CARS1: variants seen among roughly 807,000 people sequenced by gnomAD.
CARS1 encodes cysteine--tRNA ligase, cytoplasmic.
Under a neutral mutation model 106.2 loss-of-function variants are expected in CARS1, and 48 were observed. The observed-to-expected ratio is 0.45, with a 90% CI of 0.36 to 0.57. CARS1 has a LOEUF of 0.57. Ranked by LOEUF, CARS1 falls within the 20% of genes least tolerant of loss-of-function variation. CARS1 has a pLI of 0.00. For synonymous variants in CARS1, 409 were observed against 403.4 expected (o/e 1.01, Z -0.17); for missense variants, 968 against 1,057.2 (o/e 0.92, Z 1.17).
intron 7 of CARS1, among the ~76,000 whole-genome samples, chr11:3,035,414 A>C (rs1398114202): frequency 2.0e-5 from 3 of 152,228 alleles, no homozygotes; most frequent in Non-Finnish European, 2.9e-5. Flanking sequence ...CCAACAATAC[A>C]AATGCAGGTG....
chr11:3,002,253 C>T, intron 21 of CARS1, 200 bp from the exon 22 acceptor site: 1 of 651,214 alleles, frequency 1.5e-6, no homozygotes, highest in Non-Finnish European at 2.7e-6. Context: ...GTTATTTCTA[C>T]AGGAATAGTG....
At position 3,039,191 on chromosome 11, in the gene CARS1, C is replaced by T. The variant is rs149456532; in HGVS notation, c.651+3G>A. 713 of 1,598,008 alleles carry T rather than the reference C, an allele frequency of 4.5e-4. 5 individuals carry two copies. The African/African-American group carries it at 8.1e-3, about 18-fold the overall frequency. On this transcript the variant is annotated splice_donor_region_variant and intron_variant, in intron 6 of 22. Transcript: ENST00000380525. The surrounding 1 kb of genome is among the most constrained non-coding windows in gnomAD (Gnocchi z 5.6). The stretch of plus-strand genomic sequence containing the variant: ...TTTCTAGAGCAGACAGCAAGAGGCC[C>T]ACCTTCAGGGCGGCCTGAACATCCT...
chr11:3,023,421 G>A (rs977615019), intron 10 of CARS1, among the ~76,000 whole-genome samples: 2 of 152,110 alleles, frequency 1.3e-5, no homozygotes, highest in Non-Finnish European at 2.9e-5. Flanking sequence ...CACACACACA[G>A]GATCTTGCTG....
intron 17 of CARS1, among the ~76,000 whole-genome samples, chr11:3,013,281 T>C (rs1850678641): frequency 1.3e-5 from 2 of 152,130 alleles, no homozygotes; most frequent in East Asian, 1.9e-4. Flanking sequence ...GCCTCCCGCG[T>C]AGCTGGGATT....
At position 3,008,170 on chromosome 11, in the gene CARS1, A is replaced by T. The variant is rs1191735947; in HGVS notation, c.2069-1211T>A. 1 of 151,962 alleles carries T rather than the reference A, an allele frequency of 6.6e-6. No homozygotes were observed. Among genetic ancestry groups the T allele is most frequent in the Non-Finnish European group, 1.5e-5 (1 of 68,042 alleles). The allele number at this position is 151,962 out of a possible 1,614,324, so 9.4% of individuals were successfully genotyped here. A position where few individuals can be genotyped will look rare whatever the true frequency, so the allele number is the denominator to read the frequency against. Reference sequence around the variant, plus strand: ...CCCCCAGCCTGCTGGGACCCCCACCATCCCACCCCATCCTCCTGCCTGCCC... The same window carrying T: ...CCCCCAGCCTGCTGGGACCCCCACCTTCCCACCCCATCCTCCTGCCTGCCC... On this transcript the variant is annotated intron_variant, in intron 18 of 22. Coordinates refer to ENST00000380525, the MANE Select transcript of CARS1 (RefSeq NM_001014437.3). This position sits in a 1 kb window ranked among gnomAD's most constrained non-coding sequence, Gnocchi z 5.1.
Position 3,038,223 on chromosome 11 carries a change from A to C in CARS1, c.652-24T>G. 1 of 1,608,402 alleles carries C rather than the reference A, an allele frequency of 6.2e-7. No homozygotes were observed. Among genetic ancestry groups the C allele is most frequent in the East Asian group, 2.2e-5 (1 of 44,800 alleles). On this transcript the variant is annotated intron_variant, in intron 6 of 22. Transcript: ENST00000380525. This position sits in a 1 kb window ranked among gnomAD's most constrained non-coding sequence, Gnocchi z 4.0. ...GGCTGCAACCATAAAGAGACGTCAAATCTATTAGATACTGCTCAGCAAAAC... is the reference window on the plus strand; with the variant it reads ...GGCTGCAACCATAAAGAGACGTCAACTCTATTAGATACTGCTCAGCAAAAC...
rs1853845396 is a variant in CARS1 at position 3,037,680 on chromosome 11, T to G, written c.801+370A>C. ...TGCTCAATTCAATGTTAATCCCTGC[T>G]CCTCCTTCTCCAGCTGGTGTGGGGA... On this transcript the variant is annotated intron_variant, in intron 7 of 22. Coordinates refer to ENST00000380525, the MANE Select transcript of CARS1 (RefSeq NM_001014437.3). This position sits in a 1 kb window ranked among gnomAD's most constrained non-coding sequence, Gnocchi z 5.9. 6.6e-6 allele frequency among the ~76,000 whole-genome samples: 1 copy of G among 152,174 alleles called. No homozygotes were observed. The highest frequency in any genetic ancestry group is 6.5e-5 in the Admixed American group (1 of 15,282).
chr11:3,006,190 G>A (rs993812321), intron 19 of CARS1, among the ~76,000 whole-genome samples: 1 of 152,206 alleles, frequency 6.6e-6, no homozygotes, highest in Non-Finnish European at 1.5e-5. Context: ...TGGGCATGTG[G>A]CTCATGCCAC....
rs747734175 is a variant in CARS1, at chr11:3,047,773, T to C, written c.254A>G (p.Gln85Arg). The C allele has an allele frequency of 6.2e-7, 1 of 1,613,230 alleles. No individual in the cohort carries two copies. Among genetic ancestry groups the C allele is most frequent in the Non-Finnish European group, 8.5e-7 (1 of 1,179,434 alleles). ...ALLGSPCGKGQPCRLQASKGR... is the reference protein window; with the variant it reads ...ALLGSPCGKGRPCRLQASKGR... ...CTCACTTGCTTGGAGCCTGCAGGGC[T>C]GGCCTTTGCCACAGGGGCTACCCAG... The change falls in exon 2 of 23, where the codon CAG becomes CGG. Residue 85 changes from glutamine to arginine, a missense_variant. Coordinates refer to ENST00000380525, the MANE Select transcript of CARS1 (RefSeq NM_001014437.3).
chr11:3,027,510 T>C, intron 9 of CARS1: 1 of 180,478 alleles, frequency 5.5e-6, no homozygotes, highest in Admixed American at 5.5e-5. Context: ...TCCAGTATAA[T>C]AAAATATAAA....
intron 7 of CARS1, among the ~76,000 whole-genome samples, chr11:3,033,174 C>A (rs764822899): frequency 1.1e-4 from 17 of 151,626 alleles, no homozygotes; most frequent in Non-Finnish European, 2.4e-4. Flanking sequence ...GCTAAGCCAA[C>A]AGGAAGAATT....
At position 3,026,776 on chromosome 11, in the gene CARS1, G is replaced by A. The variant is rs769010895; in HGVS notation, c.1053C>T (p.Val351=). ...AAGCAAACTTCGCTGTATCAAAGTAGACAGACCCATTGGAGACATAGCTGG... is the reference window on the plus strand; with the variant it reads ...AAGCAAACTTCGCTGTATCAAAGTAAACAGACCCATTGGAGACATAGCTGG... ...NGYGYVSNGS[V]YFDTAKFASS... is the part of the protein sequence containing the mutation. Residue 351 remains valine (V), a synonymous_variant, in exon 10 of 23, where the codon GTC becomes GTT. Transcript: ENST00000380525. The A allele has an allele frequency of 6.2e-7, 1 of 1,613,254 alleles. No individual in the cohort carries two copies. Among genetic ancestry groups the A allele is most frequent in the East Asian group, 2.2e-5 (1 of 44,874 alleles).
At position 3,037,029 on chromosome 11, in the gene CARS1, A is replaced by C. The variant is rs181537743; in HGVS notation, c.801+1021T>G. Among the ~76,000 whole-genome samples, 19 of 152,238 alleles carry C rather than the reference A, an allele frequency of 1.2e-4. No homozygotes were observed. The East Asian group carries it at 3.1e-3, about 25-fold the overall frequency. ...CAATTAAAAAAAAAAAAAGAATATTAGTGGAACAACTGGGAAAAAAATTAC... is the reference window on the plus strand; with the variant it reads ...CAATTAAAAAAAAAAAAAGAATATTCGTGGAACAACTGGGAAAAAAATTAC... On this transcript the variant is annotated intron_variant, in intron 7 of 22. Coordinates refer to ENST00000380525, the MANE Select transcript of CARS1 (RefSeq NM_001014437.3). The surrounding 1 kb of genome is among the most constrained non-coding windows in gnomAD (Gnocchi z 5.9).
chr11:3,007,069 C>T (rs919246913), intron 18 of CARS1, 110 bp from the exon 19 acceptor site: 5 of 898,608 alleles, frequency 5.6e-6, no homozygotes, highest in East Asian at 2.4e-5. Flanking sequence ...AGAACAAGTG[C>T]CTCCTCCAGT....
At position 3,037,103 on chromosome 11, in the gene CARS1, C is replaced by T. The variant is rs1853746489; in HGVS notation, c.801+947G>A. On this transcript the variant is annotated intron_variant, in intron 7 of 22. Coordinates refer to ENST00000380525, the MANE Select transcript of CARS1 (RefSeq NM_001014437.3). This position sits in a 1 kb window ranked among gnomAD's most constrained non-coding sequence, Gnocchi z 5.9. ...AACCTAACTGCCCGTCCCAGGAGAA[C>T]AGACAAACAGCTCGGCTCCCAGGCA... 6.6e-6 allele frequency among the ~76,000 whole-genome samples: 1 copy of T among 152,090 alleles called. No individual in the cohort carries two copies. Among genetic ancestry groups the T allele is most frequent in the South Asian group, 2.1e-4 (1 of 4,832 alleles).
rs1163540476 is a variant in CARS1 at position 3,030,187 on chromosome 11, G to C, written c.802-744C>G. On this transcript the variant is annotated intron_variant, in intron 7 of 22. Coordinates refer to ENST00000380525, the MANE Select transcript of CARS1 (RefSeq NM_001014437.3). This position sits in a 1 kb window ranked among gnomAD's most constrained non-coding sequence, Gnocchi z 5.7. The stretch of plus-strand genomic sequence containing the variant: ...ATGGTCTGTGGCCTACTATGGGAAG[G>C]GGAGGCAAAGAACCAAGGCTGGAGA... 6.6e-6 allele frequency: 1 copy of C among 152,330 alleles called. No individual in the cohort carries two copies. Among genetic ancestry groups the C allele is most frequent in the African/African-American group, 2.4e-5 (1 of 41,392 alleles). The allele number at this position is 152,330 out of a possible 1,614,324, so 9.4% of individuals were successfully genotyped here.
At chr11:3,015,369 T>C (rs947943026) in intron 17 of CARS1, among the ~76,000 whole-genome samples, 6 of 152,342 alleles carry the variant, frequency 3.9e-5, no homozygotes, top group African/African-American at 9.6e-5. Context: ...TATCTCCCCA[T>C]CAGTGTAAAT....
rs930505968 is a variant in CARS1, at chr11:3,021,337, C to T, written c.1154-1005G>A. On this transcript the variant is annotated intron_variant, in intron 10 of 22. Coordinates refer to ENST00000380525, the MANE Select transcript of CARS1 (RefSeq NM_001014437.3). The surrounding 1 kb of genome is among the most constrained non-coding windows in gnomAD (Gnocchi z 5.3). ...ACCCACGCCAGGTCTTGCCCGGCTG[C>T]TGCAGCCTTTCCTGGTCCCTGGTCT... is the stretch of plus-strand genomic sequence containing the variant. 2.6e-5 allele frequency among the ~76,000 whole-genome samples: 4 copies of T among 152,344 alleles called. No homozygotes were observed. Among genetic ancestry groups the T allele is most frequent in the Non-Finnish European group, 4.4e-5 (3 of 68,036 alleles).
intron 1 of CARS1, chr11:3,054,840 G>A (rs1301434023): frequency 4.3e-6 from 3 of 701,120 alleles, no homozygotes; most frequent in Non-Finnish European, 7.8e-6. Context: ...GAAGACCCTT[G>A]AATTAAACTG....
Sources: gnomAD v4.1 joint callset for allele counts (sites outside exome capture counted in the v4.1 genomes callset) on GRCh38, gnomAD v4.1.1 for gene constraint, Gnocchi (gnomAD v3.1) non-coding constraint, MANE v1.5 for transcripts, NCBI Gene and HGNC (gene_info 2026-07-23, HGNC 2026-07-21) for gene names.